Variants in PP2D1 observed in about 807,000 individuals in gnomAD.
PP2D1 encodes the protein protein phosphatase 2C like domain containing 1, also known as protein phosphatase 2C-like domain-containing protein 1.
Under a neutral mutation model 30.2 loss-of-function variants are expected in PP2D1, and 25 were observed. The ratio of observed to expected loss-of-function variants is 0.83; its 90% CI spans 0.60 to 1.16. The LOEUF is 1.16. PP2D1 is among the 50% of genes most tolerant of loss of function. The pLI is 0.00. For missense variants in PP2D1, 760 were observed against 742.4 expected (o/e 1.02, Z -0.28); for synonymous variants, 260 against 258.9 (o/e 1.00, Z -0.04).
At chr3:20,002,159 G>T in intron 1 of PP2D1, 63 bp from the exon 2 acceptor site, 1 of 1,055,364 alleles carries the variant, frequency 9.5e-7, no homozygotes, top group Non-Finnish European at 1.4e-6. Flanking sequence ...CTTCAAGCAG[G>T]CTGTTATCAT....
At chr3:19,991,744 G>T (rs1411614034) in intron 2 of PP2D1, among the ~76,000 whole-genome samples, 1 of 152,080 alleles carries the variant, frequency 6.6e-6, no homozygotes, top group African/African-American at 2.4e-5. Context: ...AATTTAAGAG[G>T]TAGACACTTG....
At chr3:20,002,642 A>G (rs138645484) in intron 1 of PP2D1, among the ~76,000 whole-genome samples, 18 of 152,326 alleles carry the variant, frequency 1.2e-4, no homozygotes, top group African/African-American at 4.3e-4. Context: ...ATAGAAGGCC[A>G]GGCACGGTGG....
chr3:20,007,475 A>T (rs1697333668), intron 1 of PP2D1, among the ~76,000 whole-genome samples: 2 of 152,206 alleles, frequency 1.3e-5, no homozygotes, highest in African/African-American at 4.8e-5. Context: ...CATTCAAGAA[A>T]TAGTAAATAG....
At chr3:19,982,488 A>G (rs145186968), downstream of PP2D1, among the ~76,000 whole-genome samples, 77 of 152,072 alleles carry the variant, frequency 5.1e-4, no homozygotes, top group African/African-American at 1.9e-3. Flanking sequence ...CAAAAATGCA[A>G]CTCTTATCTA....
At chr3:19,996,336 G>A (rs1426421263) in intron 2 of PP2D1, among the ~76,000 whole-genome samples, 1 of 151,998 alleles carries the variant, frequency 6.6e-6, no homozygotes. Flanking sequence ...AAAACCTAGA[G>A]GAAATGGATA....
chr3:20,010,780 C>A (rs1372075669), intron 1 of PP2D1, among the ~76,000 whole-genome samples: 1 of 151,814 alleles, frequency 6.6e-6, no homozygotes, highest in African/African-American at 2.4e-5. Context: ...CCAGCCTGGG[C>A]AACAAGAGCG....
At chr3:19,989,506 T>C (rs1697088312) in intron 2 of PP2D1, among the ~76,000 whole-genome samples, 1 of 152,238 alleles carries the variant, frequency 6.6e-6, no homozygotes. Flanking sequence ...CTCATTTCTT[T>C]ATAGTTTGGT....
At position 19,985,806 on chromosome 3, in the gene PP2D1, T is replaced by G; in HGVS notation, c.1467A>C (p.Ser489=). ...ETYCPIIPNK[S]PSKGPLLFST... is the part of the protein sequence containing the mutation. ...AAAAAAGCAGAGGCCCTTTGGATGG[T>G]GATTTGTTAGGTATGATAGGACAGT... Residue 489 remains serine, a synonymous_variant, in exon 3 of 3, where the codon TCA becomes TCC. Transcript: ENST00000389050. The G allele has an allele frequency of 6.5e-7, 1 of 1,536,092 alleles. No individual in the cohort carries two copies. The highest frequency in any genetic ancestry group is 8.7e-7 in the Non-Finnish European group (1 of 1,146,866).
chr3:20,012,062 T>C lies in PP2D1; in HGVS notation c.11A>G (p.Asn4Ser), dbSNP rs1452497514. The change falls in exon 1 of 3, where the codon AAT becomes AGT. Residue 4 changes from asparagine (N) to serine (S), a missense_variant. Asn to Ser is a conservative substitution (Grantham distance 46). This residue lies in a region of PP2D1 where 374 missense variants were observed against 388.8 expected (regional missense o/e 0.96). Transcript: ENST00000389050. Reference sequence around the variant, plus strand: ...TAAGAAAGTTTACCTTAAAGCATTATTGGTGCTCATGTTCCTTTGGAATTA... The same window carrying C: ...TAAGAAAGTTTACCTTAAAGCATTACTGGTGCTCATGTTCCTTTGGAATTA... MSTNNALRVFWKSR... is the reference protein window; with the variant it reads MSTSNALRVFWKSR... The C allele has an allele frequency of 6.5e-7, 1 of 1,532,442 alleles. No homozygotes were observed. The highest frequency in any genetic ancestry group is 8.7e-7 in the Non-Finnish European group (1 of 1,144,328). The allele number at this position is 1,532,442 out of a possible 1,614,324, so 94.9% of individuals were successfully genotyped here.
At chr3:20,008,045 A>G (rs1272889349) in intron 1 of PP2D1, 2 of 171,036 alleles carry the variant, frequency 1.2e-5, no homozygotes, top group Non-Finnish European at 2.7e-5. Flanking sequence ...GGATAGACTT[A>G]TTTTACTAAG....
At chr3:19,998,007 C>T (rs1189477594) in intron 2 of PP2D1, among the ~76,000 whole-genome samples, 3 of 151,910 alleles carry the variant, frequency 2.0e-5, no homozygotes, top group African/African-American at 7.3e-5. Flanking sequence ...CCAGGCTGAC[C>T]AACATGTTGA....
At chr3:19,987,872 C>A (rs1237497608) in intron 2 of PP2D1, among the ~76,000 whole-genome samples, 3 of 152,140 alleles carry the variant, frequency 2.0e-5, no homozygotes, top group Non-Finnish European at 2.9e-5. Context: ...ATTAGTTCCC[C>A]AAGTTAATAC....
chr3:19,985,666 T>G lies in PP2D1; in HGVS notation c.1607A>C (p.Asp536Ala). The change falls in exon 3 of 3, where the codon GAT becomes GCT. Residue 536 changes from aspartate to alanine, a missense_variant. Asp to Ala is a moderately radical substitution (Grantham distance 126). This residue lies in a region of PP2D1 where 369 missense variants were observed against 316.2 expected (regional missense o/e 1.17). Transcript: ENST00000389050. ...STTNSKENLS[D>A]SNYSKYCIYN... is the part of the protein sequence containing the mutation. ...AATACAGTATTTAGAATAGTTTGAA[T>G]CGGATAAATTTTCTTTGGAATTTGT... 1 of 1,535,948 alleles carries G rather than the reference T, an allele frequency of 6.5e-7. No homozygotes were observed. Among genetic ancestry groups the G allele is most frequent in the Non-Finnish European group, 8.7e-7 (1 of 1,146,706 alleles).
At chr3:19,989,749 C>T (rs1017825520) in intron 2 of PP2D1, among the ~76,000 whole-genome samples, 2 of 152,106 alleles carry the variant, frequency 1.3e-5, no homozygotes, top group African/African-American at 4.8e-5. Context: ...ACGAATTGTA[C>T]GGCCATAGCT....
chr3:20,009,186 G>A (rs1697357298), intron 1 of PP2D1, among the ~76,000 whole-genome samples: 1 of 152,166 alleles, frequency 6.6e-6, no homozygotes, highest in African/African-American at 2.4e-5. Flanking sequence ...ACTTGGCCAG[G>A]TGCAGTGGCT....
intron 1 of PP2D1, among the ~76,000 whole-genome samples, chr3:20,010,360 T>G (rs1697370277): frequency 6.6e-6 from 1 of 152,112 alleles, no homozygotes. Flanking sequence ...CCTCCCAAAG[T>G]GCCGATTTAC....
chr3:19,982,775 A>AG (rs2125134333), downstream of PP2D1, among the ~76,000 whole-genome samples: 1 of 152,060 alleles, frequency 6.6e-6, no homozygotes, highest in Non-Finnish European at 1.5e-5. Context: ...AAAAAAAAAA[A>AG]AAAGAGAGCA....
intron 2 of PP2D1, among the ~76,000 whole-genome samples, chr3:20,000,414 T>G (rs1415266163): frequency 2.0e-5 from 3 of 152,192 alleles, no homozygotes; most frequent in Admixed American, 2.0e-4. Context: ...CTCATGTCAA[T>G]TTTGCTAAAA....
At chr3:20,010,485 C>T (rs536795925) in intron 1 of PP2D1, among the ~76,000 whole-genome samples, 24 of 152,264 alleles carry the variant, frequency 1.6e-4, no homozygotes, top group African/African-American at 5.3e-4. Flanking sequence ...TCAGTCTCAA[C>T]AGTCTAATCC....
Sources: gnomAD v4.1 joint callset for allele counts (sites outside exome capture counted in the v4.1 genomes callset) on GRCh38, gnomAD v4.1.1 for gene constraint, gnomAD v4.1.1 regional missense constraint, MANE v1.5 for transcripts, NCBI Gene and HGNC (gene_info 2026-07-23, HGNC 2026-07-21) for gene names.